TRAM2: variants seen among roughly 807,000 people sequenced by gnomAD.
The protein encoded by TRAM2 is translocating chain-associated membrane protein 2.
In TRAM2, 12 loss-of-function variants were observed where a neutral mutation model predicts 51.0. That is an observed-to-expected ratio of 0.24 (90% CI 0.15 to 0.38). The LOEUF (loss-of-function observed/expected upper bound fraction) is 0.38. Among genes scored for constraint, TRAM2 ranks in the 10% least tolerant of loss-of-function variants. TRAM2 has a pLI of 1.00. For synonymous variants in TRAM2, 175 were observed against 179.4 expected (o/e 0.98, Z 0.20); for missense variants, 361 against 462.0 (o/e 0.78, Z 2.00).
At chr6:52,516,960 G>A (rs1185616568) in intron 2 of TRAM2, 1 of 548,378 alleles carries the variant, frequency 1.8e-6, no homozygotes, top group South Asian at 2.0e-5. Context: ...GTGCATGGCT[G>A]TATTGTCATA....
intron 2 of TRAM2, 161 bp from the exon 3 acceptor site, chr6:52,516,898 C>T (rs1766561782): frequency 1.6e-6 from 1 of 624,030 alleles, no homozygotes; most frequent in Admixed American, 2.7e-5. Flanking sequence ...TCCTGCCCAC[C>T]CTCTGGTCTT....
chr6:52,505,024 A>G (rs1030974056), intron 9 of TRAM2, among the ~76,000 whole-genome samples: 1 of 152,262 alleles, frequency 6.6e-6, no homozygotes, highest in Non-Finnish European at 1.5e-5. Flanking sequence ...CGCTACTCCT[A>G]TGACGAGGGA....
intron 10 of TRAM2, 132 bp downstream of exon 10, chr6:52,504,459 G>A: frequency 1.4e-6 from 2 of 1,469,078 alleles, no homozygotes; most frequent in Non-Finnish European, 1.8e-6. Flanking sequence ...CAGCCCTGAG[G>A]TAAGAGTCAG....
At chr6:52,561,813 G>T (rs966926334) in intron 1 of TRAM2, among the ~76,000 whole-genome samples, 2 of 152,094 alleles carry the variant, frequency 1.3e-5, no homozygotes, top group Non-Finnish European at 2.9e-5. Context: ...TCACTGTTTT[G>T]CCCAGGCTGG....
At chr6:52,554,411 T>C (rs1245304603) in intron 1 of TRAM2, among the ~76,000 whole-genome samples, 1 of 150,792 alleles carries the variant, frequency 6.6e-6, no homozygotes, top group African/African-American at 2.4e-5. Context: ...TCCCAGCTAC[T>C]CGGGTGGCTG....
chr6:52,576,498 C>A (rs1371572301), intron 1 of TRAM2, among the ~76,000 whole-genome samples: 1 of 152,178 alleles, frequency 6.6e-6, no homozygotes, highest in Admixed American at 6.5e-5. Context: ...GGCAGCGCGG[C>A]GGTTGGTTCG....
At chr6:52,563,543 C>A (rs1270716581) in intron 1 of TRAM2, among the ~76,000 whole-genome samples, 1 of 151,770 alleles carries the variant, frequency 6.6e-6, no homozygotes, top group Non-Finnish European at 1.5e-5. Context: ...CACGGTGAAA[C>A]CCCGTCTCTA....
At position 52,530,744 on chromosome 6, in the gene TRAM2, C is replaced by G. The variant is rs1766874190; in HGVS notation, c.184+5039G>C. Reference sequence around the variant, plus strand: ...GCGGCCCCTCTGCTGGCCCCGTGGTCTCGGGATTCTAGAATCCAGAACGCT... The same window carrying G: ...GCGGCCCCTCTGCTGGCCCCGTGGTGTCGGGATTCTAGAATCCAGAACGCT... On this transcript the variant is annotated intron_variant, in intron 2 of 10. Transcript: ENST00000182527. 1.3e-5 allele frequency among the ~76,000 whole-genome samples: 2 copies of G among 152,112 alleles called. 1 individual carries two copies. Among genetic ancestry groups the G allele is most frequent in the East Asian group, 3.8e-4 (2 of 5,196 alleles).
At chr6:52,543,110 C>T (rs188175655) in intron 1 of TRAM2, among the ~76,000 whole-genome samples, 6 of 152,202 alleles carry the variant, frequency 3.9e-5, no homozygotes, top group Admixed American at 6.5e-5. Flanking sequence ...ATAAAACATA[C>T]GAATTTGCTG....
At chr6:52,517,975 C>T (rs1766582688) in intron 2 of TRAM2, among the ~76,000 whole-genome samples, 1 of 152,188 alleles carries the variant, frequency 6.6e-6, no homozygotes, top group South Asian at 2.1e-4. Flanking sequence ...TTTCCTCTCC[C>T]TCTTCCTTTC....
chr6:52,519,841 C>T (rs1766633941), intron 2 of TRAM2, among the ~76,000 whole-genome samples: 7 of 151,074 alleles, frequency 4.6e-5, no homozygotes. Flanking sequence ...CTGACACATG[C>T]TACAACATGG....
intron 1 of TRAM2, among the ~76,000 whole-genome samples, chr6:52,537,840 C>A (rs558497813): frequency 1.1e-4 from 16 of 152,294 alleles, no homozygotes; most frequent in African/African-American, 3.1e-4. Flanking sequence ...AAGTCAGCTT[C>A]ACTCAGCTGT....
rs757323296 is a variant in TRAM2, at chr6:52,503,149, C to A, written c.*48G>T. ...AGGGAGGGGGCCTGGGCTCCTTGCC[C>A]CCTGCTCGGCCCCCACCAAGAGGAT... On this transcript the variant is annotated 3_prime_UTR_variant, in exon 11 of 11. Coordinates refer to ENST00000182527, the MANE Select transcript of TRAM2 (RefSeq NM_012288.4). The A allele has an allele frequency of 6.6e-7, 1 of 1,526,464 alleles. No individual in the cohort carries two copies. Among genetic ancestry groups the A allele is most frequent in the East Asian group, 2.3e-5 (1 of 44,156 alleles). 94.6% of individuals were successfully genotyped at this position (1,526,464 alleles called of 1,614,324 possible). A position where few individuals can be genotyped will look rare whatever the true frequency, so the allele number is the denominator to read the frequency against.
chr6:52,524,147 AG>A (rs1196634319), intron 2 of TRAM2: 4 of 152,232 alleles, frequency 2.6e-5, no homozygotes, highest in Non-Finnish European at 4.4e-5. Context: ...GCTGACTGGA[AG>A]GGGCAGAAGG....
At chr6:52,541,575 C>T (rs1489501700) in intron 1 of TRAM2, among the ~76,000 whole-genome samples, 1 of 152,168 alleles carries the variant, frequency 6.6e-6, no homozygotes, top group Non-Finnish European at 1.5e-5. Context: ...AAGATAAGGT[C>T]TGGGTATCAC....
At chr6:52,552,546 G>C (rs1767327705) in intron 1 of TRAM2, among the ~76,000 whole-genome samples, 1 of 152,188 alleles carries the variant, frequency 6.6e-6, no homozygotes, top group African/African-American at 2.4e-5. Context: ...CCACCTCACT[G>C]GGCCTCAGAG....
chr6:52,507,296 A>C (rs1050067613), intron 7 of TRAM2, among the ~76,000 whole-genome samples: 2 of 152,228 alleles, frequency 1.3e-5, no homozygotes, highest in East Asian at 3.8e-4. Context: ...TGGGTTGCAG[A>C]GCAGATGATA....
At chr6:52,511,786 T>A (rs115066352) in intron 4 of TRAM2, among the ~76,000 whole-genome samples, 8,585 of 152,254 alleles carry the variant, frequency 0.056, 373 homozygotes, top group African/African-American at 0.13. Context: ...TAAGTCCTTT[T>A]ATCGGATACA....
intron 1 of TRAM2, among the ~76,000 whole-genome samples, chr6:52,575,574 G>T (rs1436468909): frequency 1.3e-5 from 2 of 152,196 alleles, no homozygotes; most frequent in Admixed American, 6.5e-5. Context: ...TTCCCAGCTT[G>T]AGGGCAGCTT....
Sources: allele counts gnomAD v4.1 joint callset (sites outside exome capture counted in the v4.1 genomes callset), GRCh38; gene constraint gnomAD v4.1.1; transcripts MANE v1.5; gene names NCBI Gene and HGNC (gene_info 2026-07-23, HGNC 2026-07-21).